Variants in PARD6G observed in about 807,000 individuals in gnomAD.
PARD6G encodes par-6 family cell polarity regulator gamma, also known as partitioning defective 6 homolog gamma.
In PARD6G, 7 loss-of-function variants were observed where a neutral mutation model predicts 10.7. The ratio of observed to expected loss-of-function variants is 0.66; its 90% confidence interval spans 0.37 to 1.23. The LOEUF is 1.23. Ranked by LOEUF, PARD6G falls within the 50% of genes most tolerant of loss-of-function variation. The pLI, the probability that PARD6G is intolerant of heterozygous loss-of-function variation, is 0.02. For missense variants in PARD6G, 548 were observed against 571.8 expected (o/e 0.96, Z 0.42); for synonymous variants, 287 against 269.4 (o/e 1.07, Z -0.64).
chr18:80,182,601 T>A lies in PARD6G; in HGVS notation c.295+20109A>T, dbSNP rs62101570. Among the ~76,000 whole-genome samples, 29,792 of 152,170 alleles carry A rather than the reference T, an allele frequency of 0.2. 4,422 individuals carry two copies. The highest frequency in any genetic ancestry group is 0.42 in the African/African-American group (17,216 of 41,460). On this transcript the variant is annotated intron_variant, in intron 2 of 2. Coordinates refer to ENST00000353265, the MANE Select transcript of PARD6G (RefSeq NM_032510.4). This position sits in a 1 kb window ranked among gnomAD's most constrained non-coding sequence, Gnocchi z 4.5. ...CTTAAAGGTAGTGTTTTTGGCCAAT[T>A]TGTTCTGAGAACAAATACAAAACTG... is the stretch of plus-strand genomic sequence containing the variant.
intron 1 of PARD6G, among the ~76,000 whole-genome samples, chr18:80,220,754 G>T (rs1390357442): frequency 6.6e-6 from 1 of 151,968 alleles, no homozygotes; most frequent in Non-Finnish European, 1.5e-5. Context: ...GGCATTACAG[G>T]TGCACACAAC....
chr18:80,211,526 A>G (rs1444224084), intron 1 of PARD6G, among the ~76,000 whole-genome samples: 1 of 152,264 alleles, frequency 6.6e-6, no homozygotes, highest in African/African-American at 2.4e-5. Context: ...CATTACAAAT[A>G]GAATTACCAT....
chr18:80,191,274 G>A (rs1308084901), intron 2 of PARD6G, among the ~76,000 whole-genome samples: 1 of 152,210 alleles, frequency 6.6e-6, no homozygotes, highest in South Asian at 2.1e-4. Flanking sequence ...AGGAGAAAAT[G>A]TCGGGGCAGC....
intron 2 of PARD6G, chr18:80,169,229 G>A (rs4239348): frequency 0.85 from 134,992 of 159,046 alleles, 57,407 homozygotes; most frequent in Non-Finnish European, 0.87. Flanking sequence ...GGGGTGCCCA[G>A]TCGTCTTCAT....
rs895623460 is a variant in PARD6G, at chr18:80,188,266, G to A, written c.295+14444C>T. 1.3e-5 allele frequency among the ~76,000 whole-genome samples: 2 copies of A among 152,206 alleles called. No individual in the cohort carries two copies. The highest frequency in any genetic ancestry group is 2.4e-5 in the African/African-American group (1 of 41,436). On this transcript the variant is annotated intron_variant, in intron 2 of 2. Transcript: ENST00000353265. This position sits in a 1 kb window ranked among gnomAD's most constrained non-coding sequence, Gnocchi z 5.4. ...CCCACCCTGGCCTCTCCCTAAGGGCGTGGAGGTGGCCTGATCTCACTGCCT... is the reference window on the plus strand; with the variant it reads ...CCCACCCTGGCCTCTCCCTAAGGGCATGGAGGTGGCCTGATCTCACTGCCT...
chr18:80,202,902 C>A lies in PARD6G; in HGVS notation c.103G>T (p.Asp35Tyr), dbSNP rs1245993049. Residue 35 changes from aspartate (D) to tyrosine (Y), a missense_variant, in exon 2 of 3, where the codon GAC (aspartate) becomes TAC (tyrosine). By Grantham distance (160) the Asp-to-Tyr change is radical. Transcript: ENST00000353265. ...FGAEFRRFSL[D>Y]RHKPGKFEDF... ...TCAAACTTCCCAGGCTTATGACGGT[C>A]CAGAGAGAACCTTCGGAATTCCGCC... The A allele has an allele frequency of 6.3e-7, 1 of 1,596,312 alleles. No individual in the cohort carries two copies. Among genetic ancestry groups the A allele is most frequent in the African/African-American group, 1.5e-5 (1 of 68,448 alleles).
At position 80,183,031 on chromosome 18, in the gene PARD6G, A is replaced by G; in HGVS notation, c.295+19679T>C. ...GATGGCTGGGGTCTCATGAGGGGCCAGCTGCGTGGGCCATCCATTCTCTAC... is the reference window on the plus strand; with the variant it reads ...GATGGCTGGGGTCTCATGAGGGGCCGGCTGCGTGGGCCATCCATTCTCTAC... On this transcript the variant is annotated intron_variant, in intron 2 of 2. Coordinates refer to ENST00000353265, the MANE Select transcript of PARD6G (RefSeq NM_032510.4). This position sits in a 1 kb window ranked among gnomAD's most constrained non-coding sequence, Gnocchi z 4.5. 1 of 695,746 alleles carries G rather than the reference A, an allele frequency of 1.4e-6. No individual in the cohort carries two copies. Among genetic ancestry groups the G allele is most frequent in the Non-Finnish European group, 2.6e-6 (1 of 380,882 alleles). The allele number at this position is 695,746 out of a possible 1,614,324, so 43.1% of individuals were successfully genotyped here. A position where few individuals can be genotyped will look rare whatever the true frequency, so the allele number is the denominator to read the frequency against.
chr18:80,163,576 C>A (rs999280740), intron 2 of PARD6G, among the ~76,000 whole-genome samples: 10 of 152,242 alleles, frequency 6.6e-5, no homozygotes, highest in African/African-American at 2.4e-5. Flanking sequence ...AAACCACAAA[C>A]CTGTCTGCGT....
At chr18:80,195,019 C>G (rs1966937883) in intron 2 of PARD6G, among the ~76,000 whole-genome samples, 1 of 130,018 alleles carries the variant, frequency 7.7e-6, no homozygotes, top group Non-Finnish European at 1.6e-5. Flanking sequence ...AGGAAACCAG[C>G]TCTGCCAGCC....
rs1210548460 is a variant in PARD6G, at chr18:80,192,563, G to A, written c.295+10147C>T. On this transcript the variant is annotated intron_variant, in intron 2 of 2. Coordinates refer to ENST00000353265, the MANE Select transcript of PARD6G (RefSeq NM_032510.4). The surrounding 1 kb of genome is among the most constrained non-coding windows in gnomAD (Gnocchi z 4.9). ...GGGGATGGGGGAGAGCAGGTGCCAC[G>A]GCGGGAGCCTGAAGCTCCACAATTG... 2.0e-5 allele frequency among the ~76,000 whole-genome samples: 3 copies of A among 152,108 alleles called. No individual in the cohort carries two copies. Among genetic ancestry groups the A allele is most frequent in the Admixed American group, 1.3e-4 (2 of 15,282 alleles).
chr18:80,159,963 G>C lies in PARD6G; in HGVS notation c.939C>G (p.Pro313=). 1 of 1,499,828 alleles carries C rather than the reference G, an allele frequency of 6.7e-7. No individual in the cohort carries two copies. Among genetic ancestry groups the C allele is most frequent in the Non-Finnish European group, 8.8e-7 (1 of 1,134,514 alleles). 92.9% of individuals were successfully genotyped at this position (1,499,828 alleles called of 1,614,324 possible). The change falls in exon 3 of 3, where the codon CCC becomes CCG. Residue 313 remains proline (P), a synonymous_variant. Coordinates refer to ENST00000353265, the MANE Select transcript of PARD6G (RefSeq NM_032510.4). The part of the protein sequence containing the change: ...IEGTLEPARP[P]QTPGAPAGSL... Reference sequence around the variant, plus strand: ...TGCCTGCGGGCGCGCCCGGGGTCTGGGGGGGACGTGCAGGCTCCAGTGTGC... The same window carrying C: ...TGCCTGCGGGCGCGCCCGGGGTCTGCGGGGGACGTGCAGGCTCCAGTGTGC...
At chr18:80,204,702 AGTTTG>A (rs1426846811) in intron 1 of PARD6G, among the ~76,000 whole-genome samples, 1 of 152,094 alleles carries the variant, frequency 6.6e-6, no homozygotes, top group Admixed American at 6.6e-5. Flanking sequence ...TAATCCCAGC[AGTTTG>A]GGAGGCCAAG....
At chr18:80,196,868 G>A (rs1296999620) in intron 2 of PARD6G, among the ~76,000 whole-genome samples, 6 of 143,424 alleles carry the variant, frequency 4.2e-5, no homozygotes, top group South Asian at 2.2e-4. Flanking sequence ...CCACGGTGGA[G>A]TGGGAGACTT....
chr18:80,191,483 G>A (rs936728360), intron 2 of PARD6G, among the ~76,000 whole-genome samples: 26 of 152,318 alleles, frequency 1.7e-4, no homozygotes, highest in African/African-American at 5.1e-4. Context: ...TCACCACCAG[G>A]AGCCCCCATG....
chr18:80,185,617 C>A (rs1663786021), intron 2 of PARD6G, among the ~76,000 whole-genome samples: 1 of 151,918 alleles, frequency 6.6e-6, no homozygotes, highest in African/African-American at 2.4e-5. Flanking sequence ...TGCTCCCACA[C>A]CCACACACAC....
chr18:80,205,491 A>G (rs1967046580), intron 1 of PARD6G, among the ~76,000 whole-genome samples: 1 of 152,126 alleles, frequency 6.6e-6, no homozygotes, highest in Non-Finnish European at 1.5e-5. Context: ...AGGTGACTGG[A>G]TCATGAGGGC....
rs1967561565 is a variant in PARD6G, at chr18:80,247,144, G to A, written c.72+133C>T. ...CCCAGTGCGCGTCCCGCGGAGCGGC[G>A]CGCGGCGCCCGAACTGGAAAGTTGT... On this transcript the variant is annotated intron_variant, in intron 1 of 2. Coordinates refer to ENST00000353265, the MANE Select transcript of PARD6G (RefSeq NM_032510.4). The surrounding 1 kb of genome is among the most constrained non-coding windows in gnomAD (Gnocchi z 4.2). The A allele has an allele frequency of 1.1e-5, 6 of 568,026 alleles. No homozygotes were observed. Among genetic ancestry groups the A allele is most frequent in the Non-Finnish European group, 1.7e-5 (6 of 360,820 alleles). The allele number at this position is 568,026 out of a possible 1,614,324, so 35.2% of individuals were successfully genotyped here.
At chr18:80,190,511 C>T (rs891095388) in intron 2 of PARD6G, among the ~76,000 whole-genome samples, 2 of 152,196 alleles carry the variant, frequency 1.3e-5, no homozygotes, top group African/African-American at 4.8e-5. Context: ...AGCGCCTGAG[C>T]ACACAGCTGC....
intron 1 of PARD6G, among the ~76,000 whole-genome samples, chr18:80,240,837 G>T (rs1360923515): frequency 6.6e-6 from 1 of 152,122 alleles, no homozygotes; most frequent in Non-Finnish European, 1.5e-5. Context: ...CAAGACAAAG[G>T]ACATTCCACC....
Sources: gnomAD v4.1 joint callset for allele counts (sites outside exome capture counted in the v4.1 genomes callset) on GRCh38, gnomAD v4.1.1 for gene constraint, Gnocchi (gnomAD v3.1) non-coding constraint, MANE v1.5 for transcripts, NCBI Gene and HGNC (gene_info 2026-07-23, HGNC 2026-07-21) for gene names.